NELL2: variants seen among roughly 807,000 people sequenced by gnomAD.
The protein encoded by NELL2 is protein kinase C-binding protein NELL2.
Under a neutral mutation model 109.6 loss-of-function variants are expected in NELL2, and 41 were observed. The observed-to-expected ratio is 0.37, with a 90% confidence interval of 0.29 to 0.49. The LOEUF is 0.49. Ranked by LOEUF, NELL2 falls within the 20% of genes least tolerant of loss-of-function variation. The pLI, the probability that NELL2 is intolerant of heterozygous loss-of-function variation, is 0.98. For synonymous variants in NELL2, 355 were observed against 344.7 expected, an observed-to-expected ratio of 1.03 and a Z score of -0.33; for missense variants, 900 against 1,008.3, an observed-to-expected ratio of 0.89 and a Z score of 1.45.
intron 3 of NELL2, among the ~76,000 whole-genome samples, chr12:44,814,733 G>A (rs1174631121): frequency 6.6e-6 from 1 of 152,208 alleles, no homozygotes; most frequent in Non-Finnish European, 1.5e-5. Context: ...CCAAGAGCAA[G>A]CGAGATAGTA....
At chr12:44,852,009 C>CA (rs531810477) in intron 2 of NELL2, among the ~76,000 whole-genome samples, 199 of 151,478 alleles carry the variant, frequency 1.3e-3, no homozygotes, top group Non-Finnish European at 1.9e-3. Context: ...AGTATCTCTG[C>CA]AAAAAAAACA....
intron 15 of NELL2, among the ~76,000 whole-genome samples, chr12:44,561,239 G>A (rs886093855): frequency 2.6e-5 from 4 of 152,014 alleles, no homozygotes; most frequent in Non-Finnish European, 1.5e-5. Context: ...AATGGGAAAT[G>A]TTGGAAGTAT....
upstream of NELL2, chr12:44,876,321 A>T (rs1469042375): frequency 1.7e-6 from 2 of 1,173,928 alleles, no homozygotes; most frequent in Non-Finnish European, 2.1e-6. Flanking sequence ...ACAATGGAGA[A>T]AGCTCCGGGA....
intron 2 of NELL2, among the ~76,000 whole-genome samples, chr12:44,871,945 A>G (rs1254470880): frequency 1.3e-5 from 2 of 152,224 alleles, no homozygotes; most frequent in African/African-American, 4.8e-5. Context: ...TTAAACCAAC[A>G]GAGGAAATTA....
intron 1 of NELL2, among the ~76,000 whole-genome samples, chr12:44,898,321 C>G (rs1945619028): frequency 1.3e-5 from 2 of 152,188 alleles, no homozygotes; most frequent in South Asian, 4.1e-4. Flanking sequence ...AGACACCTCC[C>G]AGCAGGGGTC....
At chr12:44,839,016 T>C (rs985786412) in intron 2 of NELL2, among the ~76,000 whole-genome samples, 1 of 152,236 alleles carries the variant, frequency 6.6e-6, no homozygotes, top group Non-Finnish European at 1.5e-5. Context: ...GATGGCAATT[T>C]ACATGGTGTA....
At chr12:44,821,527 G>A (rs921167273) in intron 2 of NELL2, among the ~76,000 whole-genome samples, 1 of 152,142 alleles carries the variant, frequency 6.6e-6, no homozygotes, top group East Asian at 1.9e-4. Context: ...TTGCATTTCT[G>A]TTTCCAAATT....
At chr12:44,742,142 T>C (rs1039431901) in intron 9 of NELL2, among the ~76,000 whole-genome samples, 3 of 152,036 alleles carry the variant, frequency 2.0e-5, no homozygotes, top group African/African-American at 7.2e-5. Flanking sequence ...CAGCAGCATT[T>C]GCGGTTCACC....
At chr12:44,874,022 A>C (rs528014702) in intron 2 of NELL2, among the ~76,000 whole-genome samples, 1 of 152,316 alleles carries the variant, frequency 6.6e-6, no homozygotes, top group East Asian at 1.9e-4. Context: ...ACTTGTTTTA[A>C]GTAAATGTAA....
chr12:44,635,945 C>A (rs925573137), intron 13 of NELL2, among the ~76,000 whole-genome samples: 5 of 152,080 alleles, frequency 3.3e-5, no homozygotes, highest in Non-Finnish European at 7.4e-5. Context: ...TTGTTTGTGT[C>A]CTCTCTTGTT....
intron 15 of NELL2, among the ~76,000 whole-genome samples, chr12:44,543,994 G>A (rs1029130203): frequency 3.7e-4 from 56 of 152,038 alleles, no homozygotes; most frequent in African/African-American, 1.3e-3. Flanking sequence ...CAGTCCATAG[G>A]TAAAGCATGA....
chr12:44,639,412 C>A (rs541846294), intron 13 of NELL2, among the ~76,000 whole-genome samples: 3 of 152,128 alleles, frequency 2.0e-5, no homozygotes, highest in Non-Finnish European at 4.4e-5. Context: ...CCACCCGCAG[C>A]GCACTCATAA....
chr12:44,741,517 C>A (rs536467596), intron 9 of NELL2, among the ~76,000 whole-genome samples: 2 of 152,198 alleles, frequency 1.3e-5, no homozygotes, highest in South Asian at 2.1e-4. Flanking sequence ...TCGCCTCACC[C>A]GGGAAGTGCA....
upstream of NELL2, among the ~76,000 whole-genome samples, chr12:44,915,324 A>G (rs1945820672): frequency 6.6e-6 from 1 of 152,238 alleles, no homozygotes; most frequent in South Asian, 2.1e-4. Context: ...ACAATATGCA[A>G]CTAATTGCAA....
At chr12:44,530,964 T>C (rs11182525) in intron 16 of NELL2, among the ~76,000 whole-genome samples, 8,990 of 152,246 alleles carry the variant, frequency 0.059, 829 homozygotes, top group African/African-American at 0.2. Flanking sequence ...AGTAATTTGT[T>C]AGGCATCAAT....
intron 15 of NELL2, among the ~76,000 whole-genome samples, chr12:44,602,787 C>T (rs946088675): frequency 6.6e-6 from 1 of 151,772 alleles, no homozygotes; most frequent in Non-Finnish European, 1.5e-5. Context: ...AAAAAATATG[C>T]CTTAAAAAAA....
At chr12:44,787,797 C>A (rs1053485910) in intron 3 of NELL2, among the ~76,000 whole-genome samples, 1 of 151,932 alleles carries the variant, frequency 6.6e-6, no homozygotes, top group Non-Finnish European at 1.5e-5. Context: ...ACACTTCATG[C>A]AAAAATTATC....
intron 19 of NELL2, among the ~76,000 whole-genome samples, chr12:44,514,357 T>C (rs1941151785): frequency 6.6e-6 from 1 of 151,860 alleles, no homozygotes; most frequent in South Asian, 2.1e-4. Context: ...AATACGGTAG[T>C]CTTTCCTTAT....
At chr12:44,682,731 ATATGCGGTGT>A (rs749738663) in intron 12 of NELL2, among the ~76,000 whole-genome samples, 48 of 152,160 alleles carry the variant, frequency 3.2e-4, no homozygotes, top group Admixed American at 6.5e-4. Context: ...ATAGTTGCAG[ATATGCGGTGT>A]TATTTCTGAG....
Sources: allele counts gnomAD v4.1 joint callset (sites outside exome capture counted in the v4.1 genomes callset), GRCh38; gene constraint gnomAD v4.1.1; transcripts MANE v1.5; gene names NCBI Gene and HGNC (gene_info 2026-07-23, HGNC 2026-07-21).